The following LMAN2L variants were observed in gnomAD, a reference collection of about 807,000 sequenced individuals.
LMAN2L encodes the protein lectin, mannose binding 2 like.
Under a neutral mutation model 44.3 loss-of-function variants are expected in LMAN2L, and 30 were observed. That is an observed-to-expected ratio of 0.68 (90% CI 0.51 to 0.92). The LOEUF (loss-of-function observed/expected upper bound fraction) is 0.92, where lower values mean the gene tolerates loss of function less well. Among genes scored for constraint, LMAN2L ranks in the 40% least tolerant of loss-of-function variants. The probability of loss-of-function intolerance (pLI) is 0.00; values close to 1 mark genes in which losing one functional copy is unlikely to be tolerated. For missense variants in LMAN2L, 429 were observed against 446.1 expected (o/e 0.96, Z 0.35); for synonymous variants, 183 against 171.1 (o/e 1.07, Z -0.54).
intron 2 of LMAN2L, among the ~76,000 whole-genome samples, chr2:96,736,589 G>A (rs1353720722): frequency 6.6e-6 from 1 of 152,174 alleles, no homozygotes; most frequent in Non-Finnish European, 1.5e-5. Context: ...ACCTGTAGAA[G>A]TGTAATAACA....
intron 4 of LMAN2L, among the ~76,000 whole-genome samples, chr2:96,728,400 G>T (rs146344114): frequency 1.5e-3 from 223 of 151,958 alleles, no homozygotes; most frequent in Middle Eastern, 3.4e-3. Flanking sequence ...CAGCTATTCC[G>T]GAGGCTGAGG....
rs748501432 is a variant in LMAN2L, at chr2:96,711,698, C to T, written c.742G>A (p.Gly248Ser). 30 of 1,613,968 alleles carry T rather than the reference C, an allele frequency of 1.9e-5. No individual in the cohort carries two copies. The South Asian group carries it at 2.3e-4, about 12-fold the overall frequency. ...ATGGAGGAGGTGCCGAAGTAGTAGC[C>T]GCGGGGCAGGCGGACTCCGGGCACT... ...IEVPGVRLPRGYYFGTSSITG... is the reference protein window; with the variant it reads ...IEVPGVRLPRSYYFGTSSITG... Residue 248 changes from glycine (G) to serine (S), a missense_variant, in exon 6 of 8, where the codon GGC becomes AGC. By Grantham distance (56) the Gly-to-Ser change is moderately conservative (BLOSUM62 0). Transcript: ENST00000264963.
intron 4 of LMAN2L, among the ~76,000 whole-genome samples, chr2:96,723,418 C>T (rs897332665): frequency 9.2e-5 from 14 of 152,148 alleles, no homozygotes; most frequent in Admixed American, 3.3e-4. Flanking sequence ...TAGTTCTTTA[C>T]GTTTCAAACA....
chr2:96,710,758 G>A (rs1010291832), intron 6 of LMAN2L, among the ~76,000 whole-genome samples: 1 of 152,160 alleles, frequency 6.6e-6, no homozygotes, highest in Non-Finnish European at 1.5e-5. Flanking sequence ...ACAATGGCTG[G>A]AGCTCACTAG....
intron 2 of LMAN2L, chr2:96,737,013 G>C: frequency 2.8e-6 from 1 of 356,534 alleles, no homozygotes; most frequent in Non-Finnish European, 5.4e-6. Context: ...ACGTAAAAAA[G>C]TAAGTTCTTA....
intron 1 of LMAN2L, among the ~76,000 whole-genome samples, chr2:96,739,348 A>C (rs1574035389): frequency 6.6e-6 from 1 of 152,314 alleles, no homozygotes; most frequent in South Asian, 2.1e-4. Context: ...CTGGCTGATA[A>C]GCTGTGCTTA....
chr2:96,734,338 C>A (rs1574029420), intron 3 of LMAN2L, 71 bp downstream of exon 3: 6 of 945,796 alleles, frequency 6.3e-6, no homozygotes, highest in South Asian at 1.3e-5. Context: ...GGGAAGGAAC[C>A]TTTTCAAAAA....
chr2:96,729,257 A>T (rs530020840), intron 4 of LMAN2L, among the ~76,000 whole-genome samples: 1 of 152,176 alleles, frequency 6.6e-6, no homozygotes, highest in South Asian at 2.1e-4. Context: ...CCTGACAGAA[A>T]AAAAAAAGGA....
chr2:96,733,626 A>G, intron 3 of LMAN2L, 25 bp from the exon 4 acceptor site: 1 of 1,569,128 alleles, frequency 6.4e-7, no homozygotes, highest in Non-Finnish European at 8.8e-7. Flanking sequence ...CAGATGATGA[A>G]CAATGAAATA....
chr2:96,711,514 G>C (rs2077915481), intron 6 of LMAN2L, 142 bp downstream of exon 6: 3 of 618,582 alleles, frequency 4.8e-6, no homozygotes, highest in Admixed American at 2.9e-5. Context: ...GTGGATATAA[G>C]AATGCAGAAG....
chr2:96,710,237 T>A (rs1418059410), intron 6 of LMAN2L, among the ~76,000 whole-genome samples: 1 of 152,254 alleles, frequency 6.6e-6, no homozygotes, highest in Non-Finnish European at 1.5e-5. Flanking sequence ...ATTGTGATGG[T>A]GACTACATAG....
At position 96,739,761 on chromosome 2, in the gene LMAN2L, G is replaced by A; in HGVS notation, c.187+93C>T. On this transcript the variant is annotated intron_variant, in intron 1 of 7. Coordinates refer to ENST00000264963, the MANE Select transcript of LMAN2L (RefSeq NM_030805.4). ...CACCACCGCCAGCAGTTTCCTCCGG[G>A]CCACGAAGCCCTTCGCCGCCCCCGC... 16 of 1,319,432 alleles carry A rather than the reference G, an allele frequency of 1.2e-5. No homozygotes were observed. In the South Asian group the frequency reaches 1.7e-4, roughly 14 times the overall value. The allele number at this position is 1,319,432 out of a possible 1,614,324, so 81.7% of individuals were successfully genotyped here.
At chr2:96,723,432 C>A (rs1351949662) in intron 4 of LMAN2L, among the ~76,000 whole-genome samples, 1 of 152,164 alleles carries the variant, frequency 6.6e-6, no homozygotes, top group Non-Finnish European at 1.5e-5. Flanking sequence ...TCAAACAAAT[C>A]TCTAATAAGA....
chr2:96,737,358 G>C, intron 2 of LMAN2L: 3 of 348,152 alleles, frequency 8.6e-6, no homozygotes, highest in Non-Finnish European at 1.7e-5. Flanking sequence ...ATCAATTTAA[G>C]AGTACTCTCA....
At chr2:96,731,904 A>C (rs1281099312) in intron 4 of LMAN2L, among the ~76,000 whole-genome samples, 1 of 151,552 alleles carries the variant, frequency 6.6e-6, no homozygotes, top group African/African-American at 2.4e-5. Flanking sequence ...CTGCAGTGCA[A>C]TGGCGTGGTC....
At chr2:96,715,749 A>C (rs1287579178) in intron 4 of LMAN2L, among the ~76,000 whole-genome samples, 1 of 152,244 alleles carries the variant, frequency 6.6e-6, no homozygotes, top group Non-Finnish European at 1.5e-5. Context: ...TCGATGGAAA[A>C]GACACCCATT....
chr2:96,707,104 G>C lies in LMAN2L; in HGVS notation c.*152C>G. The C allele has an allele frequency of 1.5e-6, 1 of 685,330 alleles. No individual in the cohort carries two copies. 42.5% of individuals were successfully genotyped at this position (685,330 alleles called of 1,614,324 possible). On this transcript the variant is annotated 3_prime_UTR_variant, in exon 8 of 8. Transcript: ENST00000264963. ...TCCCCATGCACAACCATGGGAATGCGGGGTCCCTGCATTCAAAACTCCAGT... is the reference window on the plus strand; with the variant it reads ...TCCCCATGCACAACCATGGGAATGCCGGGTCCCTGCATTCAAAACTCCAGT...
intron 4 of LMAN2L, among the ~76,000 whole-genome samples, chr2:96,713,499 G>A (rs149472799): frequency 1.1e-4 from 17 of 152,218 alleles, no homozygotes; most frequent in African/African-American, 3.4e-4. Flanking sequence ...CAGGCACGCC[G>A]CACTTATGTC....
intron 2 of LMAN2L, among the ~76,000 whole-genome samples, chr2:96,735,886 G>A (rs944059719): frequency 2.6e-5 from 4 of 151,620 alleles, no homozygotes; most frequent in Non-Finnish European, 4.4e-5. Context: ...AGTAGTTCAC[G>A]CCAGTAATCA....
Sources: allele counts gnomAD v4.1 joint callset (sites outside exome capture counted in the v4.1 genomes callset), GRCh38; gene constraint gnomAD v4.1.1; transcripts MANE v1.5; gene names NCBI Gene and HGNC (gene_info 2026-07-23, HGNC 2026-07-21).